Variants in CNTNAP2 observed in about 807,000 individuals in gnomAD.
CNTNAP2 encodes contactin-associated protein-like 2.
CNTNAP2 carries 98 observed loss-of-function variants against 155.2 expected under a neutral mutation model. The ratio of observed to expected loss-of-function variants is 0.63; its 90% CI spans 0.54 to 0.75. The LOEUF (loss-of-function observed/expected upper bound fraction) is 0.75, where lower values mean the gene tolerates loss of function less well. Ranked by LOEUF, CNTNAP2 falls within the 30% of genes least tolerant of loss-of-function variation. The pLI, the probability that CNTNAP2 is intolerant of heterozygous loss-of-function variation, is 0.00. For synonymous variants in CNTNAP2, 651 were observed against 631.2 expected (o/e 1.03, Z -0.47); for missense variants, 1,727 against 1,688.1 (o/e 1.02, Z -0.40).
At chr7:146,323,390 A>G (rs1379453115) in intron 1 of CNTNAP2, among the ~76,000 whole-genome samples, 1 of 152,082 alleles carries the variant, frequency 6.6e-6, no homozygotes, top group Non-Finnish European at 1.5e-5. Context: ...TCTTGAGATC[A>G]AAAGACTCCG....
At chr7:146,191,612 C>A (rs750615764) in intron 1 of CNTNAP2, among the ~76,000 whole-genome samples, 10 of 152,046 alleles carry the variant, frequency 6.6e-5, no homozygotes, top group African/African-American at 1.9e-4. Context: ...CCGTATCAAC[C>A]GTATAAGACA....
At chr7:148,057,826 G>A (rs1803049690) in intron 15 of CNTNAP2, among the ~76,000 whole-genome samples, 1 of 152,046 alleles carries the variant, frequency 6.6e-6, no homozygotes, top group Non-Finnish European at 1.5e-5. Flanking sequence ...CTCCTTGACT[G>A]TGTGATGGTG....
At chr7:146,259,577 C>T (rs1043861940) in intron 1 of CNTNAP2, among the ~76,000 whole-genome samples, 1 of 152,092 alleles carries the variant, frequency 6.6e-6, no homozygotes, top group African/African-American at 2.4e-5. Context: ...TTTGCCCCTG[C>T]CCTAGAGCTC....
At chr7:146,838,677 T>C (rs1185852678) in intron 2 of CNTNAP2, among the ~76,000 whole-genome samples, 2 of 152,230 alleles carry the variant, frequency 1.3e-5, no homozygotes, top group African/African-American at 4.8e-5. Context: ...ATCATAGTTT[T>C]AAGCAAAAAT....
At chr7:148,123,462 T>C (rs1005422941) in intron 16 of CNTNAP2, among the ~76,000 whole-genome samples, 3 of 152,100 alleles carry the variant, frequency 2.0e-5, no homozygotes, top group African/African-American at 7.2e-5. Flanking sequence ...CATGGTTGGC[T>C]GCACCTGTAG....
chr7:146,555,765 T>G (rs573997782), intron 1 of CNTNAP2, among the ~76,000 whole-genome samples: 6 of 152,304 alleles, frequency 3.9e-5, no homozygotes, highest in Admixed American at 2.6e-4. Flanking sequence ...AAACAGAGCC[T>G]TTGGCATCAG....
At chr7:147,665,905 G>C (rs576481660) in intron 13 of CNTNAP2, among the ~76,000 whole-genome samples, 3 of 152,130 alleles carry the variant, frequency 2.0e-5, no homozygotes, top group African/African-American at 7.2e-5. Flanking sequence ...ATGTCTTTGT[G>C]TATTCTAACA....
intron 4 of CNTNAP2, among the ~76,000 whole-genome samples, chr7:147,064,361 A>G (rs1315586930): frequency 6.6e-6 from 1 of 152,170 alleles, no homozygotes; most frequent in Non-Finnish European, 1.5e-5. Flanking sequence ...TGCTCTGTAT[A>G]TTGCTGTTAA....
At chr7:147,650,179 T>A (rs936860653) in intron 13 of CNTNAP2, among the ~76,000 whole-genome samples, 1 of 152,204 alleles carries the variant, frequency 6.6e-6, no homozygotes, top group Non-Finnish European at 1.5e-5. Context: ...TCGTAAATTA[T>A]TTTTGAAAAT....
chr7:148,350,327 G>A (rs544076725), intron 21 of CNTNAP2, among the ~76,000 whole-genome samples: 2 of 152,250 alleles, frequency 1.3e-5, no homozygotes, highest in African/African-American at 4.8e-5. Flanking sequence ...ACTCCAGGCT[G>A]GTTCTCTAAT....
intron 18 of CNTNAP2, among the ~76,000 whole-genome samples, chr7:148,195,119 G>A (rs1249791275): frequency 1.3e-5 from 2 of 152,172 alleles, no homozygotes; most frequent in African/African-American, 4.8e-5. Context: ...GTCAGAAATA[G>A]GCTTGGCTTT....
At chr7:146,642,728 T>G (rs184191231) in intron 1 of CNTNAP2, among the ~76,000 whole-genome samples, 1 of 152,062 alleles carries the variant, frequency 6.6e-6, no homozygotes, top group African/African-American at 2.4e-5. Flanking sequence ...TCTGAGGAAT[T>G]GCCACACTGA....
intron 21 of CNTNAP2, among the ~76,000 whole-genome samples, chr7:148,369,401 C>T (rs1295725254): frequency 6.6e-6 from 1 of 151,342 alleles, no homozygotes; most frequent in Non-Finnish European, 1.5e-5. Context: ...TGTGCCACTA[C>T]ACCTGGCTAA....
At chr7:148,091,705 C>A (rs1244064136) in intron 15 of CNTNAP2, among the ~76,000 whole-genome samples, 1 of 152,092 alleles carries the variant, frequency 6.6e-6, no homozygotes, top group African/African-American at 2.4e-5. Context: ...CAATACATAC[C>A]ATTTATCAGC....
At chr7:146,929,544 A>C (rs981277190) in intron 3 of CNTNAP2, among the ~76,000 whole-genome samples, 1 of 152,200 alleles carries the variant, frequency 6.6e-6, no homozygotes, top group Non-Finnish European at 1.5e-5. Context: ...CTCCTCCTCC[A>C]AAGGCACGCA....
chr7:146,427,206 T>G (rs1324453101), intron 1 of CNTNAP2, among the ~76,000 whole-genome samples: 1 of 152,180 alleles, frequency 6.6e-6, no homozygotes, highest in Non-Finnish European at 1.5e-5. Context: ...AAGGTCATAT[T>G]TACTTAATGA....
chr7:146,188,393 A>G (rs1734291838), intron 1 of CNTNAP2, among the ~76,000 whole-genome samples: 1 of 152,202 alleles, frequency 6.6e-6, no homozygotes, highest in Non-Finnish European at 1.5e-5. Context: ...CTTACTTTTC[A>G]GATGGAGAAA....
chr7:146,650,365 TA>T (rs1367386802), intron 1 of CNTNAP2, among the ~76,000 whole-genome samples: 6 of 152,022 alleles, frequency 3.9e-5, no homozygotes, highest in Non-Finnish European at 8.8e-5. Context: ...TATACAGCCA[TA>T]AAAAATATGA....
intron 1 of CNTNAP2, among the ~76,000 whole-genome samples, chr7:146,611,231 C>T (rs994799256): frequency 2.6e-5 from 4 of 152,128 alleles, no homozygotes; most frequent in Non-Finnish European, 4.4e-5. Flanking sequence ...GGGCTACAGG[C>T]GAACCCCATT....
Sources: gnomAD v4.1 joint callset for allele counts (sites outside exome capture counted in the v4.1 genomes callset) on GRCh38, gnomAD v4.1.1 for gene constraint, MANE v1.5 for transcripts, NCBI Gene and HGNC (gene_info 2026-07-23, HGNC 2026-07-21) for gene names.